Variants in CNTNAP2 observed in about 807,000 individuals in gnomAD.
CNTNAP2 encodes contactin associated protein 2, also known as contactin-associated protein-like 2.
Under a neutral mutation model 155.2 loss-of-function variants are expected in CNTNAP2, and 98 were observed. The observed-to-expected ratio is 0.63, with a 90% CI of 0.54 to 0.75. CNTNAP2 has a LOEUF of 0.75. Ranked by LOEUF, CNTNAP2 falls within the 30% of genes least tolerant of loss-of-function variation. The pLI is 0.00. For missense variants in CNTNAP2, 1,727 were observed against 1,688.1 expected, an observed-to-expected ratio of 1.02 and a Z score of -0.40; for synonymous variants, 651 against 631.2, an observed-to-expected ratio of 1.03 and a Z score of -0.47.
chr7:146,493,321 G>T lies in CNTNAP2; in HGVS notation c.98-280950G>T, dbSNP rs573858020. ...ATGGCTTCAAAAAAATCTAGAAAAT[G>T]AAAAATTCTATAGCGCAGAAGGTTA... On this transcript the variant is annotated intron_variant, in intron 1 of 23. Coordinates refer to ENST00000361727, the MANE Select transcript of CNTNAP2 (RefSeq NM_014141.6). 1.7e-3 allele frequency among the ~76,000 whole-genome samples: 252 copies of T among 152,200 alleles called. 3 individuals are homozygous for T. The highest frequency in any genetic ancestry group is 1.0e-2 in the South Asian group (48 of 4,824).
intron 9 of CNTNAP2, among the ~76,000 whole-genome samples, chr7:147,376,755 C>A (rs1292428873): frequency 6.6e-6 from 1 of 151,848 alleles, no homozygotes; most frequent in African/African-American, 2.4e-5. Flanking sequence ...TGCACAATAA[C>A]TTAATAACAC....
chr7:146,712,228 ATG>A (rs1801099575), intron 1 of CNTNAP2, among the ~76,000 whole-genome samples: 1 of 120,232 alleles, frequency 8.3e-6, no homozygotes, highest in African/African-American at 2.9e-5. Context: ...GTATACAAAT[ATG>A]TATACATATC....
chr7:147,998,260 C>T (rs1801842298), intron 15 of CNTNAP2, among the ~76,000 whole-genome samples: 1 of 151,700 alleles, frequency 6.6e-6, no homozygotes, highest in Non-Finnish European at 1.5e-5. Context: ...TACAGGCGCC[C>T]GCCACCACGT....
intron 1 of CNTNAP2, among the ~76,000 whole-genome samples, chr7:146,288,100 G>A (rs1800366107): frequency 6.6e-6 from 1 of 151,770 alleles, no homozygotes; most frequent in Non-Finnish European, 1.5e-5. Context: ...GATTGCTTAA[G>A]ACCAGCCTGG....
chr7:146,810,120 G>A (rs990825418), intron 2 of CNTNAP2, among the ~76,000 whole-genome samples: 5 of 152,032 alleles, frequency 3.3e-5, no homozygotes, highest in Admixed American at 3.3e-4. Context: ...TCCTCATTGT[G>A]TATTATTAAT....
intron 23 of CNTNAP2, among the ~76,000 whole-genome samples, chr7:148,413,020 C>G (rs368581600): frequency 1.3e-5 from 2 of 152,098 alleles, no homozygotes; most frequent in East Asian, 1.9e-4. Context: ...ACCAAACTTG[C>G]ATTCCTAGGA....
intron 4 of CNTNAP2, among the ~76,000 whole-genome samples, chr7:147,067,690 GC>G (rs1277685935): frequency 6.6e-6 from 1 of 152,226 alleles, no homozygotes; most frequent in East Asian, 1.9e-4. Flanking sequence ...TAATTTTTGA[GC>G]TTCAACTTCT....
At chr7:146,411,350 G>T (rs1389824966) in intron 1 of CNTNAP2, among the ~76,000 whole-genome samples, 7 of 151,968 alleles carry the variant, frequency 4.6e-5, no homozygotes, top group Non-Finnish European at 1.0e-4. Flanking sequence ...TAGAGACGGG[G>T]TTTCACCATG....
intron 1 of CNTNAP2, among the ~76,000 whole-genome samples, chr7:146,289,221 C>G (rs889623766): frequency 6.6e-6 from 1 of 152,120 alleles, no homozygotes; most frequent in East Asian, 1.9e-4. Flanking sequence ...TTTCTCTCCT[C>G]TCCTTACACA....
rs78308898 is a variant in CNTNAP2, at chr7:146,494,686, G to C, written c.98-279585G>C. 1.1e-3 allele frequency among the ~76,000 whole-genome samples: 172 copies of C among 152,256 alleles called. 3 individuals carry two copies. In the East Asian group the frequency reaches 0.031, roughly 28 times the overall value. On this transcript the variant is annotated intron_variant, in intron 1 of 23. Coordinates refer to ENST00000361727, the MANE Select transcript of CNTNAP2 (RefSeq NM_014141.6). ...CTGAAACACATGTTCTAATTAACCT[G>C]AGTGGGGGTCTTAAAGGATTCCTGG...
chr7:148,191,697 G>T (rs867498035), intron 18 of CNTNAP2, among the ~76,000 whole-genome samples: 7 of 152,154 alleles, frequency 4.6e-5, no homozygotes, highest in South Asian at 4.2e-4. Context: ...TTTATAAGGG[G>T]ACTAAACCCA....
chr7:147,665,889 G>A (rs1363836585), intron 13 of CNTNAP2, among the ~76,000 whole-genome samples: 1 of 152,120 alleles, frequency 6.6e-6, no homozygotes, highest in Non-Finnish European at 1.5e-5. Flanking sequence ...CATTTAGGTT[G>A]ATTCCATGTC....
At chr7:146,372,183 A>C (rs1396574075) in intron 1 of CNTNAP2, among the ~76,000 whole-genome samples, 1 of 152,186 alleles carries the variant, frequency 6.6e-6, no homozygotes, top group Non-Finnish European at 1.5e-5. Flanking sequence ...TAACGCTCTC[A>C]GTACTCATTT....
intron 15 of CNTNAP2, among the ~76,000 whole-genome samples, chr7:148,099,474 T>C (rs1454819069): frequency 2.1e-5 from 3 of 143,628 alleles, no homozygotes; most frequent in African/African-American, 8.3e-5. Context: ...ATATGGGCAG[T>C]TGTAGTGTGG....
intron 9 of CNTNAP2, among the ~76,000 whole-genome samples, chr7:147,356,640 A>G (rs2116888250): frequency 6.6e-6 from 1 of 152,290 alleles, no homozygotes; most frequent in African/African-American, 2.4e-5. Context: ...TTTTATGGGA[A>G]CACAAATGAT....
chr7:148,192,234 A>G (rs1300804123), intron 18 of CNTNAP2, among the ~76,000 whole-genome samples: 1 of 152,204 alleles, frequency 6.6e-6, no homozygotes, highest in Non-Finnish European at 1.5e-5. Context: ...AACAAAATAC[A>G]TTAAATAAAC....
At chr7:146,648,179 C>T (rs867437971) in intron 1 of CNTNAP2, among the ~76,000 whole-genome samples, 3 of 152,196 alleles carry the variant, frequency 2.0e-5, no homozygotes, top group Non-Finnish European at 1.5e-5. Flanking sequence ...TAAATGTAAC[C>T]CTTAATACCT....
intron 1 of CNTNAP2, among the ~76,000 whole-genome samples, chr7:146,664,185 A>G (rs1334790320): frequency 1.9e-5 from 2 of 105,600 alleles, no homozygotes; most frequent in African/African-American, 7.7e-5. Context: ...TTTTTTTGGC[A>G]CAGTCTCACT....
intron 21 of CNTNAP2, among the ~76,000 whole-genome samples, chr7:148,311,547 C>G (rs1201960555): frequency 2.0e-5 from 3 of 152,132 alleles, no homozygotes; most frequent in African/African-American, 7.2e-5. Context: ...TCTATCCACT[C>G]TAAGAGGGAG....
Sources: gnomAD v4.1 joint callset for allele counts (sites outside exome capture counted in the v4.1 genomes callset) on GRCh38, gnomAD v4.1.1 for gene constraint, MANE v1.5 for transcripts, NCBI Gene and HGNC (gene_info 2026-07-23, HGNC 2026-07-21) for gene names.